The following PDE4DIP variants were observed in gnomAD, a reference collection of about 807,000 sequenced individuals.
PDE4DIP encodes phosphodiesterase 4D interacting protein.
PDE4DIP carries 59 observed loss-of-function variants against 221.4 expected under a neutral mutation model. That is an observed-to-expected ratio of 0.27 (90% CI 0.22 to 0.33). The LOEUF is 0.33. PDE4DIP is among the 10% of genes least tolerant of loss of function. The pLI is 1.00. For missense variants in PDE4DIP, 1,036 were observed against 2,154.2 expected (o/e 0.48, Z 10.28); for synonymous variants, 404 against 815.9 (o/e 0.50, Z 8.60).
rs1202777062 is a variant in PDE4DIP, at chr1:148,892,623, G to A, written c.141+2729G>A. On this transcript the variant is annotated intron_variant, in intron 1 of 43. Transcript: ENST00000369354. ...TTAGCAGAGTTGTCAGGCAGCTACT[G>A]CATCATATGATTTGAGGGATCTCAA... Among the ~76,000 whole-genome samples, 3 of 120,056 alleles carry A rather than the reference G, an allele frequency of 2.5e-5. 1 individual carries two copies. Among genetic ancestry groups the A allele is most frequent in the African/African-American group, 1.0e-4 (3 of 29,138 alleles). The allele number at this position is 120,056 out of a possible 152,430, so 78.8% of individuals were successfully genotyped here. A position where few individuals can be genotyped will look rare whatever the true frequency, so the allele number is the denominator to read the frequency against.
intron 5 of PDE4DIP, chr1:148,953,514 T>A (rs2151368764): frequency 6.2e-7 from 1 of 1,614,030 alleles, no homozygotes; most frequent in South Asian, 1.1e-5. Flanking sequence ...GTGGAATCTT[T>A]GGATGCAAGC....
intron 1 of PDE4DIP, among the ~76,000 whole-genome samples, chr1:148,830,680 GT>G (rs1254674170): frequency 0.1 from 12,469 of 124,652 alleles, 13 homozygotes; most frequent in African/African-American, 0.16. Flanking sequence ...GCGGTATTTG[GT>G]TTTTTTGTCC....
chr1:148,916,380 GATGGTAC>G (rs1196469910), intron 1 of PDE4DIP, among the ~76,000 whole-genome samples: 1 of 85,230 alleles, frequency 1.2e-5, no homozygotes, highest in Non-Finnish European at 2.3e-5. Context: ...TGCCATCCTG[GATGGTAC>G]ATCTGTAGAG....
chr1:148,948,471 CAA>C (rs11402302), intron 5 of PDE4DIP, among the ~76,000 whole-genome samples: 2 of 97,670 alleles, frequency 2.0e-5, no homozygotes, highest in Admixed American at 1.1e-4. Flanking sequence ...GTCTCCGTCT[CAA>C]AAAAAAAAAA....
At chr1:149,009,669 A>T (rs1291766373) in exon 30 of PDE4DIP, 1 of 1,613,680 alleles carries the variant, frequency 6.2e-7, no homozygotes, top group Non-Finnish European at 8.5e-7. Context: ...GCCTTGTCTG[A>T]CTCCCACCGC....
At chr1:148,960,941 C>T (rs1261885331) in intron 6 of PDE4DIP, among the ~76,000 whole-genome samples, 156 bp downstream of exon 9, 2 of 152,314 alleles carry the variant, frequency 1.3e-5, no homozygotes, top group East Asian at 3.9e-4. Flanking sequence ...TAGTTCTTCT[C>T]TTTATTCTTA....
chr1:148,973,444 T>C (rs587668510), intron 16 of PDE4DIP, among the ~76,000 whole-genome samples: 79 of 151,812 alleles, frequency 5.2e-4, no homozygotes, highest in Admixed American at 4.6e-3. Flanking sequence ...CTAGGCCCTT[T>C]TAAGAGAACA....
chr1:148,867,943 G>A (rs1303336079), intron 2 of PDE4DIP, among the ~76,000 whole-genome samples: 4 of 150,482 alleles, frequency 2.7e-5, no homozygotes, highest in Non-Finnish European at 6.0e-5. Context: ...GCAACTTTCT[G>A]ATGGCTTGAC....
chr1:149,015,791 A>G (rs1241835035), intron 32 of PDE4DIP, among the ~76,000 whole-genome samples: 2 of 151,924 alleles, frequency 1.3e-5, no homozygotes, highest in African/African-American at 4.8e-5. Flanking sequence ...TAGGGCCACC[A>G]TATCCAGCTT....
chr1:149,017,789 C>G (rs782325959), exon 34 of PDE4DIP: 2 of 1,608,642 alleles, frequency 1.2e-6, no homozygotes, highest in Non-Finnish European at 1.7e-6. Context: ...AATCCGGAAC[C>G]TGCGCCAGCG....
chr1:148,933,158 C>T (rs2265698), intron 4 of PDE4DIP, among the ~76,000 whole-genome samples: 11 of 151,642 alleles, frequency 7.3e-5, no homozygotes, highest in Non-Finnish European at 1.0e-4. Flanking sequence ...CTAGAGGAAG[C>T]GAAATCTGAG....
At position 149,017,896 on chromosome 1, in the gene PDE4DIP, C is replaced by T. The variant is rs782657128; in HGVS notation, c.5650+17C>T. The T allele has an allele frequency of 6.4e-7, 1 of 1,573,702 alleles. No individual in the cohort carries two copies. Among genetic ancestry groups the T allele is most frequent in the South Asian group, 1.1e-5 (1 of 88,048 alleles). ...GTGGAAGGGGTAGGAGAGGCCCAGA[C>T]CTTCCTGTTTCTGGCTCTATTTAGG... On this transcript the variant is annotated intron_variant, in intron 34 of 43. Transcript: ENST00000369354.
At chr1:148,952,160 G>A in intron 5 of PDE4DIP, 1 of 1,034,866 alleles carries the variant, frequency 9.7e-7, no homozygotes, top group Non-Finnish European at 1.2e-6. Context: ...TTCAGGTGAG[G>A]TCTTAGCAGA....
At chr1:149,032,039 C>G in exon 44 of PDE4DIP, 1 of 1,611,256 alleles carries the variant, frequency 6.2e-7, no homozygotes, top group Non-Finnish European at 8.5e-7. Flanking sequence ...GTCCTTAAAA[C>G]AGCAGGAAAG....
intron 5 of PDE4DIP, among the ~76,000 whole-genome samples, chr1:148,940,916 G>GT: frequency 6.6e-6 from 1 of 151,904 alleles, no homozygotes; most frequent in East Asian, 1.9e-4. Context: ...ATTGTAAACA[G>GT]TTTTATCATC....
intron 6 of PDE4DIP, among the ~76,000 whole-genome samples, chr1:148,961,616 G>GA (rs1487049255): frequency 1.3e-5 from 2 of 152,198 alleles, no homozygotes; most frequent in Admixed American, 1.3e-4. Flanking sequence ...CACAGTGCGT[G>GA]AAAATTGAGA....
At chr1:148,981,890 A>C (rs1208315675) in intron 21 of PDE4DIP, 1 of 164,154 alleles carries the variant, frequency 6.1e-6, no homozygotes, top group Admixed American at 5.6e-5. Flanking sequence ...AATCAAAAGC[A>C]TGCAAGTTTT....
At chr1:149,010,137 C>G (rs2068159540) in intron 30 of PDE4DIP, among the ~76,000 whole-genome samples, 1 of 152,218 alleles carries the variant, frequency 6.6e-6, no homozygotes, top group South Asian at 2.1e-4. Flanking sequence ...GATCTTGCTA[C>G]TTATTCCTGA....
At chr1:148,989,359 A>G (rs1301796155) in intron 21 of PDE4DIP, 1 of 920,534 alleles carries the variant, frequency 1.1e-6, no homozygotes, top group Non-Finnish European at 1.3e-6. Flanking sequence ...TGAGATGAGC[A>G]TTTATTTGTC....
Sources: gnomAD v4.1 joint callset for allele counts (sites outside exome capture counted in the v4.1 genomes callset) on GRCh38, gnomAD v4.1.1 for gene constraint, MANE v1.5 for transcripts, NCBI Gene and HGNC (gene_info 2026-07-23, HGNC 2026-07-21) for gene names.